Variants in PRKDC observed in about 807,000 individuals in gnomAD.
The protein encoded by PRKDC is DNA-dependent protein kinase catalytic subunit.
In PRKDC, 82 loss-of-function variants were observed where a neutral mutation model predicts 486.9. The observed-to-expected ratio is 0.17, with a 90% CI of 0.14 to 0.20. PRKDC has a LOEUF of 0.20. PRKDC is among the 10% of genes least tolerant of loss of function. The pLI is 1.00. For missense variants in PRKDC, 4,504 were observed against 5,038.2 expected (o/e 0.89, Z 3.21); for synonymous variants, 1,895 against 1,837.0 (o/e 1.03, Z -0.81).
At chr8:47,922,403 C>T (rs1158094741) in intron 21 of PRKDC, among the ~76,000 whole-genome samples, 4 of 151,618 alleles carry the variant, frequency 2.6e-5, no homozygotes, top group African/African-American at 4.9e-5. Flanking sequence ...ACCCGGGAGG[C>T]GGAGGTTGCA....
At chr8:47,795,119 C>T (rs1324583459) in intron 73 of PRKDC, among the ~76,000 whole-genome samples, 1 of 151,628 alleles carries the variant, frequency 6.6e-6, no homozygotes, top group Admixed American at 6.6e-5. Context: ...ATCTCTTGAC[C>T]TCGTGACCTG....
chr8:47,896,483 T>A (rs1485901399), intron 30 of PRKDC, among the ~76,000 whole-genome samples: 1 of 151,878 alleles, frequency 6.6e-6, no homozygotes, highest in Non-Finnish European at 1.5e-5. Context: ...CCGTCTCTAC[T>A]AAAAATACAA....
chr8:47,913,189 C>G (rs943218139), intron 24 of PRKDC, among the ~76,000 whole-genome samples: 1 of 152,166 alleles, frequency 6.6e-6, no homozygotes, highest in Admixed American at 6.5e-5. Flanking sequence ...TGATTTGCTA[C>G]ACTGAGATAT....
chr8:47,927,067 G>A (rs2090168178), intron 21 of PRKDC, 127 bp downstream of exon 21: 1 of 858,682 alleles, frequency 1.2e-6, no homozygotes, highest in African/African-American at 1.7e-5. Flanking sequence ...TACAAAAATA[G>A]CAATCAAACA....
chr8:47,887,287 A>T (rs1484555864), intron 35 of PRKDC, among the ~76,000 whole-genome samples: 1 of 152,234 alleles, frequency 6.6e-6, no homozygotes, highest in Non-Finnish European at 1.5e-5. Context: ...ATAGTCACAA[A>T]ACGTTCTCTA....
In PRKDC at chr8:47,876,660, C is replaced by CAA. The variant is rs777302610; in HGVS notation, c.5363+1062_5363+1063dup. ...TGGGTTACAGAGCCAGACTCTGTCT[C>CAA]AAAAAAAAAAAAAAATCAACAATCA... On this transcript the variant is annotated intron_variant, in intron 40 of 85. Coordinates refer to ENST00000314191, the MANE Select transcript of PRKDC (RefSeq NM_006904.7). Among the ~76,000 whole-genome samples, 343 of 129,864 alleles carry CAA rather than the reference C, an allele frequency of 2.6e-3. 4 individuals are homozygous for CAA. Among genetic ancestry groups the CAA allele is most frequent in the South Asian group, 0.025 (104 of 4,092 alleles). The allele number at this position is 129,864 out of a possible 152,430, so 85.2% of individuals were successfully genotyped here. A position where few individuals can be genotyped will look rare whatever the true frequency, so the allele number is the denominator to read the frequency against.
At chr8:47,830,851 C>T in intron 60 of PRKDC, 115 bp from the exon 61 acceptor site, 2 of 1,302,304 alleles carry the variant, frequency 1.5e-6, no homozygotes, top group Non-Finnish European at 2.2e-6. Flanking sequence ...GTGGTGGGAA[C>T]TGATGCTCGC....
intron 21 of PRKDC, among the ~76,000 whole-genome samples, chr8:47,923,094 C>T (rs1376648368): frequency 2.0e-5 from 3 of 150,210 alleles, no homozygotes; most frequent in African/African-American, 7.3e-5. Context: ...GATGAAGTCT[C>T]ACTCTGTCGC....
Position 47,807,199 on chromosome 8 carries a change from A to T in PRKDC, c.9685T>A (p.Ser3229Thr). 6.2e-7 allele frequency: 1 copy of T among 1,613,780 alleles called. No individual in the cohort carries two copies. Among genetic ancestry groups the T allele is most frequent in the South Asian group, 1.1e-5 (1 of 91,062 alleles). The change falls in exon 69 of 86, where the codon TCC becomes ACC. Residue 3229 changes from serine (S) to threonine (T), a missense_variant. This residue lies in a region of PRKDC where 1,592 missense variants were observed against 1,724.6 expected (regional missense o/e 0.92). Coordinates refer to ENST00000314191, the MANE Select transcript of PRKDC (RefSeq NM_006904.7). ...EVQEQEEDIS[S>T]LIRSCKFSMK... ...GAAAACTTGCAACTCCTGATCAGGG[A>T]GCTGATATCTTCTTCCTGCTCTTGC... is the stretch of plus-strand genomic sequence containing the variant.
chr8:47,911,059 CCTT>C (rs2089892636), intron 25 of PRKDC, among the ~76,000 whole-genome samples: 1 of 152,116 alleles, frequency 6.6e-6, no homozygotes, highest in African/African-American at 2.4e-5. Flanking sequence ...AATCTTTTCT[CCTT>C]CTTAATAGTC....
intron 67 of PRKDC, among the ~76,000 whole-genome samples, chr8:47,818,448 G>A (rs1160133920): frequency 6.6e-6 from 1 of 151,728 alleles, no homozygotes; most frequent in Non-Finnish European, 1.5e-5. Flanking sequence ...GCATGGTGGC[G>A]GGAGCCTATA....
chr8:47,920,961 T>C (rs1420117413), intron 21 of PRKDC, among the ~76,000 whole-genome samples: 1 of 152,134 alleles, frequency 6.6e-6, no homozygotes, highest in Non-Finnish European at 1.5e-5. Context: ...TTTAAGATTA[T>C]GAAAAATGTG....
At chr8:47,931,920 T>C (rs2090262243) in intron 16 of PRKDC, among the ~76,000 whole-genome samples, 1 of 152,176 alleles carries the variant, frequency 6.6e-6, no homozygotes, top group Non-Finnish European at 1.5e-5. Context: ...AGATGGAGTC[T>C]CACTCTGTCA....
intron 54 of PRKDC, among the ~76,000 whole-genome samples, chr8:47,840,561 A>G (rs1473267933): frequency 6.6e-6 from 1 of 152,228 alleles, no homozygotes; most frequent in East Asian, 1.9e-4. Flanking sequence ...TATGTGTACT[A>G]TCTTTCAACT....
intron 1 of PRKDC, among the ~76,000 whole-genome samples, chr8:47,958,815 A>C (rs2090757810): frequency 6.7e-6 from 1 of 150,144 alleles, no homozygotes; most frequent in Non-Finnish European, 1.5e-5. Context: ...GGCTCACTGC[A>C]ATCTCCTTCT....
At chr8:47,927,052 G>T in intron 21 of PRKDC, 142 bp downstream of exon 21, 1 of 834,788 alleles carries the variant, frequency 1.2e-6, no homozygotes, top group South Asian at 2.2e-5. Context: ...ATAAATTAGG[G>T]AAATTACAAA....
intron 27 of PRKDC, among the ~76,000 whole-genome samples, chr8:47,902,072 C>G (rs1042193373): frequency 6.6e-6 from 1 of 152,194 alleles, no homozygotes; most frequent in Non-Finnish European, 1.5e-5. Flanking sequence ...CTCCTTACTA[C>G]AGCAAGCAGA....
Position 47,904,945 on chromosome 8 carries a change from A to C in PRKDC, c.2966T>G (p.Met989Arg). The change falls in exon 26 of 86, where the codon ATG (methionine) becomes AGG (arginine). Residue 989 changes from methionine (M) to arginine (R), a missense_variant. Physicochemically the swap from Met to Arg is moderately conservative, Grantham distance 91. Transcript: ENST00000314191. ...VTRQLYEPLVMQLIHWFTNNK... is the reference protein window; with the variant it reads ...VTRQLYEPLVRQLIHWFTNNK... ...GTTAGTGAACCAGTGAATCAGCTGC[A>C]TAACTAGTGGCTCATACAGTTGCCT... is the stretch of plus-strand genomic sequence containing the variant. 6.2e-7 allele frequency: 1 copy of C among 1,613,750 alleles called. No individual in the cohort carries two copies. The highest frequency in any genetic ancestry group is 1.1e-5 in the South Asian group (1 of 91,044).
In PRKDC at chr8:47,834,416, A is replaced by C. The variant is rs758665749; in HGVS notation, c.7952-20T>G. 8 of 1,611,194 alleles carry C rather than the reference A, an allele frequency of 5.0e-6. No individual in the cohort carries two copies. The African/African-American group carries it at 9.4e-5, about 19-fold the overall frequency. On this transcript the variant is annotated intron_variant, in intron 58 of 85. Coordinates refer to ENST00000314191, the MANE Select transcript of PRKDC (RefSeq NM_006904.7). ...TTCCATCTGTGACATGCAATCAGAG[A>C]GGTCAGGCACTCAGCATCACCCAGC...
Sources: allele counts gnomAD v4.1 joint callset (sites outside exome capture counted in the v4.1 genomes callset), GRCh38; gene constraint gnomAD v4.1.1; regional missense constraint gnomAD v4.1.1; transcripts MANE v1.5; gene names NCBI Gene and HGNC (gene_info 2026-07-23, HGNC 2026-07-21).